The following ATP2B2 variants were observed in gnomAD, a reference collection of about 807,000 sequenced individuals.
ATP2B2 encodes plasma membrane calcium-transporting ATPase 2.
ATP2B2 carries 15 observed loss-of-function variants against 120.0 expected under a neutral mutation model. The observed-to-expected ratio is 0.12, with a 90% CI of 0.08 to 0.19. The LOEUF (loss-of-function observed/expected upper bound fraction) is 0.19, where lower values mean the gene tolerates loss of function less well. ATP2B2 is among the 10% of genes least tolerant of loss of function. ATP2B2 has a pLI of 1.00. For synonymous variants in ATP2B2, 694 were observed against 700.3 expected (o/e 0.99, Z 0.14); for missense variants, 1,045 against 1,719.8 (o/e 0.61, Z 6.94).
intron 1 of ATP2B2, among the ~76,000 whole-genome samples, chr3:10,474,227 G>A (rs527723281): frequency 6.8e-4 from 103 of 152,208 alleles, no homozygotes; most frequent in Non-Finnish European, 1.4e-3. Flanking sequence ...GGGGAAGGGA[G>A]CAGGCTTTTG....
chr3:10,592,248 T>C (rs975571431), intron 2 of ATP2B2, among the ~76,000 whole-genome samples: 1 of 152,230 alleles, frequency 6.6e-6, no homozygotes, highest in African/African-American at 2.4e-5. Context: ...GAATACTCAA[T>C]AGAGGCAAAT....
intron 1 of ATP2B2, among the ~76,000 whole-genome samples, chr3:10,485,031 A>G (rs1020994883): frequency 1.3e-5 from 2 of 152,182 alleles, no homozygotes; most frequent in African/African-American, 4.8e-5. Flanking sequence ...CCTCTGTGAA[A>G]GGGGCTGGTT....
At chr3:10,695,869 C>A (rs2071734818) in intron 1 of ATP2B2, among the ~76,000 whole-genome samples, 2 of 152,320 alleles carry the variant, frequency 1.3e-5, no homozygotes, top group African/African-American at 4.8e-5. Context: ...TTCAGCTAGA[C>A]AAAGCTCCCT....
Position 10,646,314 on chromosome 3 carries a change from C to T in ATP2B2, c.-459-26353G>A, listed in dbSNP as rs150919291. ...GCTGGCACCTGCATTGCTTCACTCCCCAAATTCTCCTTGCCTGGAATCCTT... is the reference window on the plus strand; with the variant it reads ...GCTGGCACCTGCATTGCTTCACTCCTCAAATTCTCCTTGCCTGGAATCCTT... On this transcript the variant is annotated intron_variant, in intron 1 of 21. Transcript: ENST00000646379. 5.9e-3 allele frequency among the ~76,000 whole-genome samples: 898 copies of T among 152,196 alleles called. 7 individuals are homozygous for T. The highest frequency in any genetic ancestry group is 0.02 in the African/African-American group (849 of 41,528).
At chr3:10,558,830 GAAGGA>G (rs1189637148) in intron 2 of ATP2B2, among the ~76,000 whole-genome samples, 2 of 152,114 alleles carry the variant, frequency 1.3e-5, no homozygotes, top group African/African-American at 4.8e-5. Flanking sequence ...AACAGCAGGA[GAAGGA>G]AAGGAAGACA....
At position 10,512,464 on chromosome 3, in the gene ATP2B2, G is replaced by GCGCGCGCGCACA. The variant is rs749056818; in HGVS notation, c.-320+21574_-320+21575insTGTGCGCGCGCG. Among the ~76,000 whole-genome samples, 443 of 136,936 alleles carry GCGCGCGCGCACA rather than the reference G, an allele frequency of 3.2e-3. 6 individuals carry two copies. The highest frequency in any genetic ancestry group is 0.021 in the East Asian group (94 of 4,426). 89.8% of individuals were successfully genotyped at this position (136,936 alleles called of 152,430 possible). On this transcript the variant is annotated intron_variant, in intron 3 of 21. Transcript: ENST00000646379. ...TATTCCTGGGTGCTAAAGTGTGTGC[G>GCGCGCGCGCACA]CACACACACACACACACACACACAC...
At chr3:10,380,248 C>G (rs919264747) in intron 8 of ATP2B2, among the ~76,000 whole-genome samples, 1 of 152,224 alleles carries the variant, frequency 6.6e-6, no homozygotes, top group African/African-American at 2.4e-5. Flanking sequence ...CAATGGAGGC[C>G]TCTGTCTCTT....
At chr3:10,620,209 G>A (rs2069507264) in intron 1 of ATP2B2, among the ~76,000 whole-genome samples, 1 of 152,164 alleles carries the variant, frequency 6.6e-6, no homozygotes, top group Admixed American at 6.5e-5. Context: ...GCTGTGACCT[G>A]CACAGCTCAG....
intron 2 of ATP2B2, among the ~76,000 whole-genome samples, chr3:10,556,775 CTTATT>C (rs1337271853): frequency 1.3e-5 from 2 of 152,262 alleles, no homozygotes; most frequent in African/African-American, 2.4e-5. Context: ...TGTATTCTTT[CTTATT>C]TTATTAATAA....
intron 1 of ATP2B2, among the ~76,000 whole-genome samples, chr3:10,624,565 G>C (rs2069641851): frequency 6.6e-6 from 1 of 152,178 alleles, no homozygotes. Context: ...TGAACACAGG[G>C]GTGAGGTTTT....
Position 10,338,241 on chromosome 3 carries a change from C to T in ATP2B2, c.3355G>A (p.Ala1119Thr), listed in dbSNP as rs1312365878. ...LNEDVEEIDH[A>T]ERELRRGQIL... is the part of the protein sequence containing the mutation. ...TGGCCCCGCCGCAGCTCCCGCTCCG[C>T]GTGGTCGATCTCCTCCACGTCCTCG... Residue 1119 changes from alanine to threonine, a missense_variant, in exon 22 of 23, where the codon GCG becomes ACG. This residue lies in a region of ATP2B2 where 211 missense variants were observed against 385.1 expected (regional missense o/e 0.55). Transcript: ENST00000360273. 5.6e-6 allele frequency: 9 copies of T among 1,614,074 alleles called. No individual in the cohort carries two copies. Among genetic ancestry groups the T allele is most frequent in the African/African-American group, 2.7e-5 (2 of 74,936 alleles).
At chr3:10,373,039 TA>T (rs1440885787) in intron 11 of ATP2B2, among the ~76,000 whole-genome samples, 9 of 152,240 alleles carry the variant, frequency 5.9e-5, no homozygotes, top group Non-Finnish European at 1.3e-4. Context: ...TTTATGTTAC[TA>T]AAAATGAGTA....
rs1359397159 is a variant in ATP2B2 at position 10,660,520 on chromosome 3, T to C, written c.-459-40559A>G. Among the ~76,000 whole-genome samples the C allele has an allele frequency of 9.9e-5, 15 of 152,156 alleles. No homozygotes were observed. The East Asian group carries it at 1.3e-3, about 14-fold the overall frequency. ...TAGAAGAAATGGATAAATTCCTGGA[T>C]ACATACACCCTCCCAAGACTAAACC... On this transcript the variant is annotated intron_variant, in intron 1 of 21. Coordinates refer to the ATP2B2 transcript ENST00000646379.
At chr3:10,479,928 ATACAAAAAT>A (rs1260532279) in intron 1 of ATP2B2, among the ~76,000 whole-genome samples, 1 of 152,098 alleles carries the variant, frequency 6.6e-6, no homozygotes, top group Non-Finnish European at 1.5e-5. Flanking sequence ...TTGTCTCTCA[ATACAAAAAT>A]TACAAAAATT....
chr3:10,561,283 C>T (rs2125529855), intron 2 of ATP2B2, among the ~76,000 whole-genome samples: 1 of 152,332 alleles, frequency 6.6e-6, no homozygotes, highest in South Asian at 2.1e-4. Flanking sequence ...GTAATGGGAA[C>T]AAGTCAGTGG....
chr3:10,695,253 A>AGAGG (rs2071725774), intron 1 of ATP2B2, among the ~76,000 whole-genome samples: 1 of 83,850 alleles, frequency 1.2e-5, no homozygotes, highest in South Asian at 5.2e-4. Flanking sequence ...GGAGGGAGGG[A>AGAGG]GAGAGAGAGA....
In ATP2B2 at chr3:10,400,960, C is replaced by G; in HGVS notation, c.774G>C (p.Leu258=). ...VRKSVDKDPM[L]LSGTHVMEGS... ...CATCAGGCTGAAGCTCACCTGACAG[C>G]AGCATGGGGTCCTTGTCCACGGACT... The change falls in exon 5 of 23, where the codon CTG becomes CTC. Residue 258 remains leucine, a synonymous_variant. Transcript: ENST00000360273. 6.2e-7 allele frequency: 1 copy of G among 1,614,088 alleles called. No individual in the cohort carries two copies. Among genetic ancestry groups the G allele is most frequent in the Non-Finnish European group, 8.5e-7 (1 of 1,179,968 alleles).
chr3:10,332,229 GTCGTCAGAACCAGGAA>G, intron 22 of ATP2B2: 2 of 581,232 alleles, frequency 3.4e-6, no homozygotes, highest in Non-Finnish European at 6.3e-6. Flanking sequence ...TGCCCTAGGA[GTCGTCAGAACCAGGAA>G]TCTGCAGGGG....
At chr3:10,644,802 G>A (rs1328424242) in intron 1 of ATP2B2, among the ~76,000 whole-genome samples, 2 of 152,214 alleles carry the variant, frequency 1.3e-5, no homozygotes, top group African/African-American at 4.8e-5. Context: ...TGATGGAAAT[G>A]TTTTGGAACT....
Sources: gnomAD v4.1 joint callset for allele counts (sites outside exome capture counted in the v4.1 genomes callset) on GRCh38, gnomAD v4.1.1 for gene constraint, gnomAD v4.1.1 regional missense constraint, MANE v1.5 for transcripts, NCBI Gene and HGNC (gene_info 2026-07-23, HGNC 2026-07-21) for gene names.